The following TCF7L1 variants were observed in gnomAD, a reference collection of about 807,000 sequenced individuals.
TCF7L1 encodes the protein transcription factor 7-like 1.
In TCF7L1, 18 loss-of-function variants were observed where a neutral mutation model predicts 63.7. That is an observed-to-expected ratio of 0.28 (90% CI 0.20 to 0.42). TCF7L1 has a LOEUF of 0.42. TCF7L1 is among the 10% of genes least tolerant of loss of function. The probability of loss-of-function intolerance (pLI) is 1.00; values close to 1 mark genes in which losing one functional copy is unlikely to be tolerated. For missense variants in TCF7L1, 654 were observed against 779.3 expected (o/e 0.84, Z 1.91); for synonymous variants, 355 against 340.9 (o/e 1.04, Z -0.46).
At chr2:85,290,456 A>T (rs982884467) in intron 4 of TCF7L1, among the ~76,000 whole-genome samples, 2 of 152,194 alleles carry the variant, frequency 1.3e-5, no homozygotes, top group African/African-American at 4.8e-5. Context: ...GATTACAGGC[A>T]TGAGCCATCA....
chr2:85,258,563 C>T (rs535859793), intron 3 of TCF7L1, among the ~76,000 whole-genome samples: 51 of 152,308 alleles, frequency 3.3e-4, no homozygotes, highest in African/African-American at 1.2e-3. Flanking sequence ...ACCACCACCG[C>T]ATTCTGGTAC....
intron 3 of TCF7L1, among the ~76,000 whole-genome samples, chr2:85,230,367 C>G (rs1034881512): frequency 2.0e-5 from 3 of 152,144 alleles, no homozygotes; most frequent in African/African-American, 7.2e-5. Flanking sequence ...GAGTTTCACT[C>G]TTGTTGCCCA....
chr2:85,254,404 C>G (rs374588326), intron 3 of TCF7L1, among the ~76,000 whole-genome samples: 4 of 152,246 alleles, frequency 2.6e-5, no homozygotes, highest in Non-Finnish European at 5.9e-5. Flanking sequence ...GGACGAAGTC[C>G]TCTGTGTGTC....
chr2:85,308,640 T>C (rs542072884), intron 11 of TCF7L1, among the ~76,000 whole-genome samples: 1 of 151,328 alleles, frequency 6.6e-6, no homozygotes, highest in South Asian at 2.1e-4. Context: ...CCGTACCTGC[T>C]ACAGAACCCG....
intron 4 of TCF7L1, among the ~76,000 whole-genome samples, chr2:85,299,833 TGG>T: frequency 9.4e-6 from 1 of 106,064 alleles, no homozygotes; most frequent in Non-Finnish European, 1.9e-5. Context: ...CACTCCAGCC[TGG>T]GCAACAGAGC....
intron 3 of TCF7L1, among the ~76,000 whole-genome samples, chr2:85,276,747 T>C (rs1681280817): frequency 6.6e-6 from 1 of 152,132 alleles, no homozygotes; most frequent in Admixed American, 6.5e-5. Context: ...CAACACATCA[T>C]GATTGCCGGG....
intron 3 of TCF7L1, among the ~76,000 whole-genome samples, chr2:85,208,875 A>G: frequency 6.6e-6 from 1 of 152,246 alleles, no homozygotes; most frequent in East Asian, 1.9e-4. Context: ...TGAAGTTAAT[A>G]AGAACAAGAT....
intron 4 of TCF7L1, among the ~76,000 whole-genome samples, chr2:85,296,932 T>G (rs892697331): frequency 6.6e-6 from 1 of 152,208 alleles, no homozygotes; most frequent in African/African-American, 2.4e-5. Context: ...CTTGAATTTA[T>G]GGATTGAAAG....
intron 3 of TCF7L1, among the ~76,000 whole-genome samples, chr2:85,243,357 C>G (rs1680383708): frequency 6.6e-6 from 1 of 152,140 alleles, no homozygotes; most frequent in Non-Finnish European, 1.5e-5. Flanking sequence ...TTTAGTAACT[C>G]AGGTGCGGCT....
chr2:85,254,151 G>T (rs1338433171), intron 3 of TCF7L1, among the ~76,000 whole-genome samples: 1 of 152,260 alleles, frequency 6.6e-6, no homozygotes, highest in Non-Finnish European at 1.5e-5. Flanking sequence ...TCTCATTAGG[G>T]ATAATCATTT....
chr2:85,271,959 A>C (rs1360201068), intron 3 of TCF7L1, among the ~76,000 whole-genome samples: 1 of 152,218 alleles, frequency 6.6e-6, no homozygotes, highest in East Asian at 1.9e-4. Flanking sequence ...CATTTCTGTC[A>C]ACTACCCTAT....
At chr2:85,179,671 C>T (rs866284566) in intron 3 of TCF7L1, among the ~76,000 whole-genome samples, 13 of 152,266 alleles carry the variant, frequency 8.5e-5, no homozygotes, top group Middle Eastern at 3.4e-3. Flanking sequence ...TGAAACCCTC[C>T]GTTACCTGCT....
intron 3 of TCF7L1, among the ~76,000 whole-genome samples, chr2:85,257,028 C>T (rs377079471): frequency 9.2e-5 from 14 of 151,430 alleles, no homozygotes; most frequent in Admixed American, 2.0e-4. Flanking sequence ...GCCTGGGCAA[C>T]GTAGTGAGAC....
intron 3 of TCF7L1, among the ~76,000 whole-genome samples, chr2:85,241,450 T>G (rs935818727): frequency 5.3e-4 from 75 of 142,210 alleles, no homozygotes; most frequent in South Asian, 1.2e-3. Flanking sequence ...TTTTTTTTTT[T>G]TTTTTTTTTT....
chr2:85,173,213 G>A (rs1678593980), intron 3 of TCF7L1, among the ~76,000 whole-genome samples: 2 of 152,166 alleles, frequency 1.3e-5, no homozygotes, highest in African/African-American at 2.4e-5. Context: ...GAGCAGAGGG[G>A]CCTCACCGGG....
intron 3 of TCF7L1, among the ~76,000 whole-genome samples, chr2:85,190,869 C>T (rs965318598): frequency 6.6e-6 from 1 of 152,122 alleles, no homozygotes; most frequent in Non-Finnish European, 1.5e-5. Context: ...TTTATGGACG[C>T]AATACCTGAG....
chr2:85,169,981 C>T (rs1225771123), intron 3 of TCF7L1, among the ~76,000 whole-genome samples: 2 of 152,184 alleles, frequency 1.3e-5, no homozygotes, highest in East Asian at 1.9e-4. Flanking sequence ...AAAAGAAGAG[C>T]CAACAATACT....
At chr2:85,169,400 G>T (rs1366255591) in intron 3 of TCF7L1, among the ~76,000 whole-genome samples, 1 of 148,554 alleles carries the variant, frequency 6.7e-6, no homozygotes, top group Non-Finnish European at 1.5e-5. Context: ...TCGCTCTGTT[G>T]CCCAGGCTGG....
intron 3 of TCF7L1, among the ~76,000 whole-genome samples, chr2:85,253,725 C>A (rs138712192): frequency 4.2e-4 from 64 of 152,324 alleles, no homozygotes; most frequent in African/African-American, 1.3e-3. Flanking sequence ...TTACTACCAT[C>A]GTAAGAGTTT....
Sources: allele counts gnomAD v4.1 joint callset (sites outside exome capture counted in the v4.1 genomes callset), GRCh38; gene constraint gnomAD v4.1.1; transcripts MANE v1.5; gene names NCBI Gene and HGNC (gene_info 2026-07-23, HGNC 2026-07-21).